The following ESRRG variants were observed in gnomAD, a reference collection of about 807,000 sequenced individuals.
ESRRG encodes the protein estrogen-related receptor gamma.
A neutral mutation model predicts 44.0 loss-of-function variants in ESRRG; 13 were observed. That is an observed-to-expected ratio of 0.30 (90% CI 0.19 to 0.47). ESRRG has a LOEUF of 0.47. ESRRG is among the 20% of genes least tolerant of loss of function. The pLI, the probability that ESRRG is intolerant of heterozygous loss-of-function variation, is 1.00. For missense variants in ESRRG, 395 were observed against 580.6 expected (o/e 0.68, Z 3.29); for synonymous variants, 215 against 214.6 (o/e 1.00, Z -0.02).
chr1:216,781,130 A>G (rs1268492849), intron 2 of ESRRG, among the ~76,000 whole-genome samples: 1 of 152,040 alleles, frequency 6.6e-6, no homozygotes, highest in Non-Finnish European at 1.5e-5. Flanking sequence ...ACTAATAAGT[A>G]TATAGAAGAT....
At chr1:216,507,714 T>C (rs1437533637) in intron 6 of ESRRG, among the ~76,000 whole-genome samples, 1 of 152,166 alleles carries the variant, frequency 6.6e-6, no homozygotes, top group African/African-American at 2.4e-5. Context: ...TCACAATAAA[T>C]TATTTATCCT....
chr1:216,569,242 G>A (rs1037809307), intron 3 of ESRRG, among the ~76,000 whole-genome samples: 2 of 144,140 alleles, frequency 1.4e-5, no homozygotes, highest in Non-Finnish European at 3.0e-5. Flanking sequence ...GAAAGGAAAG[G>A]AAAGGAAAGG....
intron 1 of ESRRG, among the ~76,000 whole-genome samples, chr1:217,040,279 G>C (rs1324231234): frequency 1.3e-5 from 2 of 152,160 alleles, no homozygotes; most frequent in Non-Finnish European, 2.9e-5. Flanking sequence ...AGGCTGGTGA[G>C]TTCAAATTCT....
chr1:216,845,352 A>G (rs6604648), intron 2 of ESRRG, among the ~76,000 whole-genome samples: 67,938 of 151,966 alleles, frequency 0.45, 16,568 homozygotes, highest in African/African-American at 0.65. Context: ...AAATAGGGTT[A>G]TAGATGACAC....
intron 2 of ESRRG, among the ~76,000 whole-genome samples, chr1:216,880,305 A>C (rs974208931): frequency 2.3e-5 from 1 of 44,104 alleles, no homozygotes; most frequent in African/African-American, 9.1e-5. Flanking sequence ...CCTCCCTCTC[A>C]AAAAAAAAAA....
intron 2 of ESRRG, among the ~76,000 whole-genome samples, chr1:216,819,731 A>G (rs1413306673): frequency 2.0e-5 from 3 of 152,162 alleles, no homozygotes; most frequent in Non-Finnish European, 2.9e-5. Flanking sequence ...AAATTAGACA[A>G]TTCTACCAGT....
At chr1:216,682,668 G>T (rs1208523777) in intron 1 of ESRRG, among the ~76,000 whole-genome samples, 1 of 149,172 alleles carries the variant, frequency 6.7e-6, no homozygotes, top group Non-Finnish European at 1.5e-5. Flanking sequence ...AAATATTTAA[G>T]TATTTGTGTT....
At chr1:217,135,314 C>G (rs1358044018) in intron 1 of ESRRG, among the ~76,000 whole-genome samples, 2 of 152,128 alleles carry the variant, frequency 1.3e-5, no homozygotes, top group African/African-American at 2.4e-5. Context: ...CCGCCTCCCA[C>G]GTAAAGGCCA....
chr1:216,669,193 T>C (rs1416612), intron 2 of ESRRG, among the ~76,000 whole-genome samples: 124,746 of 152,042 alleles, frequency 0.82, 51,210 homozygotes, highest in Admixed American at 0.83. Context: ...TTTAAACTAT[T>C]TAATTTATTA....
At chr1:216,731,077 C>T (rs1006051936) in intron 2 of ESRRG, among the ~76,000 whole-genome samples, 21 of 152,298 alleles carry the variant, frequency 1.4e-4, no homozygotes, top group African/African-American at 5.1e-4. Context: ...AACATGGAAA[C>T]ATATTCTCAT....
chr1:216,578,253 G>A (rs1238586919), intron 3 of ESRRG, among the ~76,000 whole-genome samples: 1 of 152,008 alleles, frequency 6.6e-6, no homozygotes, highest in African/African-American at 2.4e-5. Flanking sequence ...TTGTTACACT[G>A]CGACACTTCT....
intron 1 of ESRRG, among the ~76,000 whole-genome samples, chr1:217,136,703 G>A (rs1206552051): frequency 1.3e-5 from 2 of 152,094 alleles, no homozygotes; most frequent in African/African-American, 2.4e-5. Flanking sequence ...TGGCCAGGCC[G>A]GATTGTGGGT....
chr1:216,539,489 G>A (rs575338480), intron 5 of ESRRG, among the ~76,000 whole-genome samples: 8 of 151,766 alleles, frequency 5.3e-5, no homozygotes, highest in African/African-American at 9.7e-5. Context: ...CCTGACCCTC[G>A]GTTCATTCTA....
intron 1 of ESRRG, among the ~76,000 whole-genome samples, chr1:217,039,329 C>A (rs910303439): frequency 6.6e-6 from 1 of 152,108 alleles, no homozygotes; most frequent in Non-Finnish European, 1.5e-5. Flanking sequence ...TGTATTAGTG[C>A]GTTTTCATGC....
At chr1:216,712,754 C>A (rs2083901982) in intron 1 of ESRRG, among the ~76,000 whole-genome samples, 1 of 152,164 alleles carries the variant, frequency 6.6e-6, no homozygotes, top group Non-Finnish European at 1.5e-5. Flanking sequence ...AAGAATGAAA[C>A]CTTTGAGCAA....
chr1:216,759,769 T>C (rs1319144559), intron 2 of ESRRG, among the ~76,000 whole-genome samples: 1 of 152,144 alleles, frequency 6.6e-6, no homozygotes, highest in Admixed American at 6.6e-5. Context: ...TAATAATTTG[T>C]TGAAGAGAAT....
intron 2 of ESRRG, among the ~76,000 whole-genome samples, chr1:216,827,788 A>G (rs1281397746): frequency 2.0e-5 from 3 of 152,204 alleles, no homozygotes; most frequent in Non-Finnish European, 4.4e-5. Flanking sequence ...ACCTAATAGA[A>G]CCATGTAAAT....
intron 2 of ESRRG, among the ~76,000 whole-genome samples, chr1:216,805,801 T>C (rs1214349417): frequency 2.0e-5 from 3 of 152,184 alleles, no homozygotes; most frequent in African/African-American, 7.2e-5. Flanking sequence ...TGTTTATTTG[T>C]TTTTGTTTCA....
chr1:217,103,923 T>G (rs920513273), intron 1 of ESRRG, among the ~76,000 whole-genome samples: 2 of 151,856 alleles, frequency 1.3e-5, no homozygotes, highest in Non-Finnish European at 2.9e-5. Flanking sequence ...GCACTGGAAA[T>G]AGTAGGGGAA....
Sources: allele counts gnomAD v4.1 joint callset (sites outside exome capture counted in the v4.1 genomes callset), GRCh38; gene constraint gnomAD v4.1.1; transcripts MANE v1.5; gene names NCBI Gene and HGNC (gene_info 2026-07-23, HGNC 2026-07-21).